The following SRP19 variants were observed in gnomAD, a reference collection of about 807,000 sequenced individuals.
SRP19 encodes signal recognition particle 19 kDa protein.
In SRP19, 11 loss-of-function variants were observed where a neutral mutation model predicts 22.4. The observed-to-expected ratio is 0.49, with a 90% CI of 0.31 to 0.81. The LOEUF is 0.81. Among genes scored for constraint, SRP19 ranks in the 40% least tolerant of loss-of-function variants. The pLI, the probability that SRP19 is intolerant of heterozygous loss-of-function variation, is 0.05. For synonymous variants in SRP19, 61 were observed against 57.6 expected, an observed-to-expected ratio of 1.06 and a Z score of -0.27; for missense variants, 168 against 175.9, an observed-to-expected ratio of 0.96 and a Z score of 0.25.
intron 4 of SRP19, among the ~76,000 whole-genome samples, chr5:112,883,548 C>A (rs1768140410): frequency 6.6e-6 from 1 of 152,136 alleles, no homozygotes; most frequent in Non-Finnish European, 1.5e-5. Context: ...CCTTAGACTC[C>A]CCAGCGTTCA....
downstream of SRP19, among the ~76,000 whole-genome samples, chr5:112,871,127 A>C (rs1767749171): frequency 6.6e-6 from 1 of 152,130 alleles, no homozygotes; most frequent in Admixed American, 6.5e-5. Context: ...TCGTTTTTTA[A>C]GATACCCAGT....
At position 112,877,394 on chromosome 5, in the gene SRP19, CTT is replaced by C. The variant is rs1006246870; in HGVS notation, c.301+12663_301+12664del. On this transcript the variant is annotated intron_variant, in intron 4 of 4. Coordinates refer to the SRP19 transcript ENST00000391338. ...TAGTCGAGTTTAATTCAAAAGGACT[CTT>C]AACAGTATGGTGTAAAACTCAGATT... is the stretch of plus-strand genomic sequence containing the variant. 2.6e-5 allele frequency: 4 copies of C among 152,252 alleles called. No homozygotes were observed. The East Asian group carries it at 5.8e-4, about 22-fold the overall frequency. The allele number at this position is 152,252 out of a possible 1,614,324, so 9.4% of individuals were successfully genotyped here.
At chr5:112,873,643 G>T (rs1767809012), downstream of SRP19, among the ~76,000 whole-genome samples, 1 of 151,864 alleles carries the variant, frequency 6.6e-6, no homozygotes, top group East Asian at 2.0e-4. Context: ...CACTGCACCC[G>T]GCCTTCTTTC....
At chr5:112,873,610 G>A (rs1032990612), downstream of SRP19, among the ~76,000 whole-genome samples, 2 of 151,916 alleles carry the variant, frequency 1.3e-5, no homozygotes, top group Admixed American at 6.6e-5. Flanking sequence ...GCCTCCCAAA[G>A]TGCTGGGATT....
intron 4 of SRP19, among the ~76,000 whole-genome samples, chr5:112,889,962 G>C (rs1657133666): frequency 6.7e-6 from 1 of 150,126 alleles, no homozygotes; most frequent in Non-Finnish European, 1.5e-5. Context: ...AAGTAGCTGG[G>C]ACTGCAGGCA....
At chr5:112,889,243 AAAC>A (rs1768356293) in intron 4 of SRP19, among the ~76,000 whole-genome samples, 1 of 150,772 alleles carries the variant, frequency 6.6e-6, no homozygotes, top group African/African-American at 2.5e-5. Context: ...CTCAAAAACA[AAAC>A]AAAACCCAGA....
chr5:112,882,455 T>G (rs1183157108), intron 4 of SRP19, among the ~76,000 whole-genome samples: 1 of 152,228 alleles, frequency 6.6e-6, no homozygotes, highest in Admixed American at 6.5e-5. Flanking sequence ...TTCATAGTTC[T>G]TGCTGGAAAT....
intron 4 of SRP19, chr5:112,876,472 G>A (rs1243302892): frequency 6.6e-6 from 1 of 152,188 alleles, no homozygotes; most frequent in Admixed American, 6.5e-5. Context: ...TGTGAAGGGT[G>A]TGCTCATTTT....
downstream of SRP19, among the ~76,000 whole-genome samples, chr5:112,872,297 T>C (rs1400964963): frequency 6.6e-6 from 1 of 151,794 alleles, no homozygotes; most frequent in Non-Finnish European, 1.5e-5. Context: ...AATTCAGATG[T>C]GTTTAATGAG....
intron 4 of SRP19, chr5:112,878,469 T>TAC: frequency 3.2e-6 from 1 of 310,048 alleles, no homozygotes; most frequent in Non-Finnish European, 5.9e-6. Flanking sequence ...CCCAGTAAAG[T>TAC]ACACAGCCTG....
At chr5:112,871,807 C>T (rs955552996), downstream of SRP19, among the ~76,000 whole-genome samples, 2 of 152,112 alleles carry the variant, frequency 1.3e-5, no homozygotes, top group Admixed American at 6.5e-5. Flanking sequence ...TGTTCTTATA[C>T]TCCTGGGCTC....
chr5:112,885,719 C>T, intron 4 of SRP19: 1 of 302,566 alleles, frequency 3.3e-6, no homozygotes, highest in Non-Finnish European at 6.8e-6. Flanking sequence ...GGGACATTAT[C>T]AGCCAAGCTT....
intron 4 of SRP19, among the ~76,000 whole-genome samples, chr5:112,886,393 G>T (rs1768246137): frequency 6.6e-6 from 1 of 152,166 alleles, no homozygotes; most frequent in Admixed American, 6.5e-5. Context: ...TTAGACAAGT[G>T]TCTTAGAGTA....
At chr5:112,883,161 C>T (rs755888093) in intron 4 of SRP19, among the ~76,000 whole-genome samples, 2 of 152,214 alleles carry the variant, frequency 1.3e-5, no homozygotes, top group Non-Finnish European at 2.9e-5. Flanking sequence ...GACCATAATT[C>T]CTTCTTCCAG....
downstream of SRP19, among the ~76,000 whole-genome samples, chr5:112,870,261 A>G (rs1767728398): frequency 2.0e-5 from 3 of 152,248 alleles, no homozygotes; most frequent in East Asian, 5.8e-4. Flanking sequence ...CTGAGGCAGG[A>G]GGATCACTGA....
chr5:112,867,027 A>T (rs1217821288), intron 4 of SRP19, among the ~76,000 whole-genome samples: 2 of 152,070 alleles, frequency 1.3e-5, no homozygotes. Context: ...TTGTTGTAAG[A>T]CTGAGAAAAC....
At chr5:112,885,193 A>G in intron 4 of SRP19, 1 of 173,378 alleles carries the variant, frequency 5.8e-6, no homozygotes, top group Non-Finnish European at 1.2e-5. Context: ...GCCAGCCAGG[A>G]GATGGTGAGT....
At chr5:112,867,299 C>T (rs1277889458) in intron 4 of SRP19, 105 bp from the exon 5 acceptor site, 21 of 1,336,456 alleles carry the variant, frequency 1.6e-5, no homozygotes, top group Non-Finnish European at 1.3e-5. Context: ...AGTTATTTTC[C>T]ATTTTCTTGA....
chr5:112,876,832 A>G (rs563983927), intron 4 of SRP19: 53 of 152,300 alleles, frequency 3.5e-4, no homozygotes, highest in African/African-American at 1.3e-3. Flanking sequence ...GGGAACAAAA[A>G]AAAATTGCAT....
Sources: gnomAD v4.1 joint callset for allele counts (sites outside exome capture counted in the v4.1 genomes callset) on GRCh38, gnomAD v4.1.1 for gene constraint, MANE v1.5 for transcripts, NCBI Gene and HGNC (gene_info 2026-07-23, HGNC 2026-07-21) for gene names.